The following TTN variants were observed in gnomAD, a reference collection of about 807,000 sequenced individuals.
The protein encoded by TTN is connectin.
In TTN, 1,525 loss-of-function variants were observed where a neutral mutation model predicts 3,223.0. The ratio of observed to expected loss-of-function variants is 0.47; its 90% CI spans 0.45 to 0.49. TTN has a LOEUF of 0.49. Among genes scored for constraint, TTN ranks in the 20% least tolerant of loss-of-function variants. TTN has a pLI of 0.00. For synonymous variants in TTN, 14,094 were observed against 15,161.0 expected, an observed-to-expected ratio of 0.93 and a Z score of 5.17; for missense variants, 40,786 against 43,424.0, an observed-to-expected ratio of 0.94 and a Z score of 5.40.
At position 178,792,195 on chromosome 2, in the gene TTN, T is replaced by C; in HGVS notation, c.1539A>G (p.Ile513Met). Reference sequence around the variant, plus strand: ...CAAATGTTTTTTCAGTTTCTTTTCTTATCTGCAAAGAATGATTTAAGAAAA... The same window carrying C: ...CAAATGTTTTTTCAGTTTCTTTTCTCATCTGCAAAGAATGATTTAAGAAAA... ...QEQMHVTHEQ[I>M]RKETEKTFVP... The change falls in exon 10 of 363, where the codon ATA becomes ATG. Residue 513 changes from isoleucine (I) to methionine (M), a missense_variant and splice_region_variant. Transcript: ENST00000589042. 6.2e-7 allele frequency: 1 copy of C among 1,605,726 alleles called. No individual in the cohort carries two copies. Among genetic ancestry groups the C allele is most frequent in the African/African-American group, 1.3e-5 (1 of 74,614 alleles).
intron 163 of TTN, 123 bp from the exon 164 acceptor site, chr2:178,665,914 G>C (rs1013647544): frequency 4.6e-6 from 2 of 431,868 alleles, no homozygotes. Flanking sequence ...CCCAGAATCG[G>C]ATCTTTTGTA....
intron 47 of TTN, chr2:178,751,008 C>T (rs1200523892): frequency 6.2e-7 from 1 of 1,612,460 alleles, no homozygotes; most frequent in Non-Finnish European, 8.5e-7. Context: ...ATTTCTTCAT[C>T]AACAATAGTT....
chr2:178,558,683 C>G (rs1413199186), intron 326 of TTN, 46 bp from the exon 327 acceptor site: 2 of 1,567,296 alleles, frequency 1.3e-6, no homozygotes, highest in Non-Finnish European at 1.7e-6. Flanking sequence ...TATTACAGCA[C>G]TTTTAAATGT....
At position 178,740,335 on chromosome 2, in the gene TTN, C is replaced by CT. The variant is rs2082273335; in HGVS notation, c.12897dup (p.Gly4300ArgfsTer3). ...GCACTTTCTATCAAAATTTTACCTC[C>CT]TTCTGTGCATGAGTGTTCTGAAGGG... On this transcript the variant is annotated frameshift_variant, in exon 48 of 363. Coordinates refer to ENST00000589042, the MANE Select transcript of TTN (RefSeq NM_001267550.2). LOFTEE classifies it high-confidence loss of function. The CT allele has an allele frequency of 1.2e-6, 2 of 1,613,754 alleles. No homozygotes were observed. Among genetic ancestry groups the CT allele is most frequent in the Non-Finnish European group, 1.7e-6 (2 of 1,179,794 alleles).
In TTN at chr2:178,719,244, G is replaced by A; in HGVS notation, c.24146C>T (p.Pro8049Leu). Residue 8049 changes from proline (P) to leucine (L), a missense_variant, in exon 83 of 363, where the codon CCC (proline) becomes CTC (leucine). Pro to Leu is a moderately conservative substitution (Grantham distance 98). Coordinates refer to ENST00000589042, the MANE Select transcript of TTN (RefSeq NM_001267550.2). ...ACACGTGTATATGCCTGTGTCGGAG[G>A]GCTCCAACAAGCTCAGATTCAAAGT... ...VCTLNLSLLE[P>L]SDTGIYTCVA... The A allele has an allele frequency of 6.2e-7, 1 of 1,613,692 alleles. No homozygotes were observed. Among genetic ancestry groups the A allele is most frequent in the South Asian group, 1.1e-5 (1 of 91,068 alleles).
intron 8 of TTN, among the ~76,000 whole-genome samples, chr2:178,793,858 A>T (rs1407955611): frequency 2.6e-5 from 4 of 152,214 alleles, no homozygotes; most frequent in African/African-American, 9.6e-5. Flanking sequence ...GTCACACAAG[A>T]GGATAAGGAG....
chr2:178,601,531 C>A lies in TTN; in HGVS notation c.55466G>T (p.Ser18489Ile), dbSNP rs968408582. ...TCTGCAACTACCCCTTGTGATATCA[C>A]TGACTTTCAGATCTTTGGGTGGGCC... ...VPGPPKDLKVSDITRGSCRLS... is the reference protein window; with the variant it reads ...VPGPPKDLKVIDITRGSCRLS... The change falls in exon 287 of 363, where the codon AGT becomes ATT. Residue 18489 changes from serine to isoleucine, a missense_variant. Transcript: ENST00000589042. 2 of 1,612,568 alleles carry A rather than the reference C, an allele frequency of 1.2e-6. No individual in the cohort carries two copies. Among genetic ancestry groups the A allele is most frequent in the Non-Finnish European group, 1.7e-6 (2 of 1,179,048 alleles).
Position 178,633,889 on chromosome 2 carries a change from T to G in TTN, c.42610A>C (p.Thr14204Pro). The G allele has an allele frequency of 1.2e-6, 2 of 1,613,492 alleles. No homozygotes were observed. Among genetic ancestry groups the G allele is most frequent in the Non-Finnish European group, 1.7e-6 (2 of 1,179,586 alleles). ...TTTATCTGAGATATATCATCCAATGTCACTTCTTTCATTTCCAATTTGTGA... is the reference window on the plus strand; with the variant it reads ...TTTATCTGAGATATATCATCCAATGGCACTTCTTTCATTTCCAATTTGTGA... The part of the protein sequence containing the change: ...KTHKLEMKEV[T>P]LDDISQIKAQ... Residue 14204 changes from threonine to proline, a missense_variant, in exon 231 of 363, where the codon ACA becomes CCA. Physicochemically the swap from Thr to Pro is conservative, Grantham distance 38. Transcript: ENST00000589042.
rs61232800 is a variant in TTN at position 178,713,143 on chromosome 2, T to G, written c.26991A>C (p.Thr8997=). Reference sequence around the variant, plus strand: ...AACCAGCCATATTAGTAGCTATACATGTGTAGTCACCACTGTCTGATTCTT... The same window carrying G: ...AACCAGCCATATTAGTAGCTATACAGGTGTAGTCACCACTGTCTGATTCTT... ...MLEESDSGDY[T]CIATNMAGSD... Residue 8997 remains threonine, a synonymous_variant, in exon 93 of 363, where the codon ACA becomes ACC. Coordinates refer to ENST00000589042, the MANE Select transcript of TTN (RefSeq NM_001267550.2). 7.5e-5 allele frequency: 121 copies of G among 1,613,822 alleles called. No homozygotes were observed. The South Asian group carries it at 1.3e-3, about 17-fold the overall frequency.
rs1577324161 is a variant in TTN at position 178,679,934 on chromosome 2, G to A, written c.33540C>T (p.Phe11180=). The change falls in exon 140 of 363, where the codon TTC becomes TTT. Residue 11180 remains phenylalanine (F), a synonymous_variant. Coordinates refer to ENST00000589042, the MANE Select transcript of TTN (RefSeq NM_001267550.2). ...EEEYIHEEEE[F]ITEEEVVPVI... ...CTGGCACCACTTCTTCCTCAGTTATGAACTCCTCTTCTTCATGAATGTACT... is the reference window on the plus strand; with the variant it reads ...CTGGCACCACTTCTTCCTCAGTTATAAACTCCTCTTCTTCATGAATGTACT... 6.2e-7 allele frequency: 1 copy of A among 1,613,098 alleles called. No individual in the cohort carries two copies. Among genetic ancestry groups the A allele is most frequent in the Non-Finnish European group, 8.5e-7 (1 of 1,179,378 alleles).
Position 178,531,901 on chromosome 2 carries a change from A to C in TTN, c.104714T>G (p.Phe34905Cys). 1 of 1,612,730 alleles carries C rather than the reference A, an allele frequency of 6.2e-7. No individual in the cohort carries two copies. The highest frequency in any genetic ancestry group is 8.5e-7 in the Non-Finnish European group (1 of 1,179,204). ...GGACTCATACCTGGAAAAGATATCA[A>C]ATCTTGCAGACCTCTCAAATCTCGA... ...SLSRFERSAR[F>C]DIFSRYESMK... The change falls in exon 358 of 363, where the codon TTT becomes TGT. Residue 34905 changes from phenylalanine (F) to cysteine (C), a missense_variant. Transcript: ENST00000589042.
intron 240 of TTN, 54 bp from the exon 241 acceptor site, chr2:178,625,450 A>G: frequency 6.9e-7 from 1 of 1,453,458 alleles, no homozygotes; most frequent in Non-Finnish European, 9.0e-7. Context: ...ATATGGGTGC[A>G]TTTAATTCAT....
At chr2:178,713,592 T>C (rs2077006354) in intron 92 of TTN, among the ~76,000 whole-genome samples, 1 of 152,138 alleles carries the variant, frequency 6.6e-6, no homozygotes, top group Non-Finnish European at 1.5e-5. Context: ...GGGATTTTGT[T>C]CTCTCTTTGC....
chr2:178,767,858 A>C lies in TTN; in HGVS notation c.9372T>G (p.Ala3124=). Residue 3124 remains alanine (A), a synonymous_variant, in exon 40 of 363, where the codon GCT becomes GCG. Transcript: ENST00000589042. Reference sequence around the variant, plus strand: ...CTCCTGCCACCACTGTGTACTTCCCAGCATCAGACATCCGGGTGGATGGGA... The same window carrying C: ...CTCCTGCCACCACTGTGTACTTCCCCGCATCAGACATCCGGGTGGATGGGA... ...LLIPSTRMSD[A]GKYTVVAGGN... 6.2e-7 allele frequency: 1 copy of C among 1,614,140 alleles called. No homozygotes were observed. The highest frequency in any genetic ancestry group is 8.5e-7 in the Non-Finnish European group (1 of 1,180,014).
Position 178,583,100 on chromosome 2 carries a change from G to A in TTN, c.65703C>T (p.Gly21901=). Residue 21901 remains glycine (G), a synonymous_variant, in exon 313 of 363, where the codon GGC becomes GGT. Transcript: ENST00000589042. ...TGCCTTCTGCTGGTTTTAGCAGTGT[G>A]CCATCTTTTTTCCAAGAAACTGTTG... ...PMPTVSWKKD[G]TLLKPAEGIK... The A allele has an allele frequency of 6.2e-7, 1 of 1,611,342 alleles. No homozygotes were observed. The highest frequency in any genetic ancestry group is 8.5e-7 in the Non-Finnish European group (1 of 1,178,598).
intron 354 of TTN, 68 bp downstream of exon 354, chr2:178,538,472 A>G: frequency 1.4e-6 from 2 of 1,462,764 alleles, no homozygotes; most frequent in East Asian, 2.3e-5. Context: ...TCTACTTAGT[A>G]TAGAGGGGGA....
In TTN at chr2:178,770,405, A is replaced by C; in HGVS notation, c.8380+7T>G. 1 of 1,614,132 alleles carries C rather than the reference A, an allele frequency of 6.2e-7. No homozygotes were observed. Among genetic ancestry groups the C allele is most frequent in the Non-Finnish European group, 8.5e-7 (1 of 1,180,018 alleles). On this transcript the variant is annotated splice_region_variant and intron_variant, in intron 35 of 362. Transcript: ENST00000589042. ...ACTGCTTGAAAAGTGTTTCTAAATCAACTTACTCTCCACGTGCAGTCTGGC... is the reference window on the plus strand; with the variant it reads ...ACTGCTTGAAAAGTGTTTCTAAATCCACTTACTCTCCACGTGCAGTCTGGC...
intron 250 of TTN, chr2:178,619,396 T>G (rs906885170): frequency 1.7e-6 from 1 of 571,656 alleles, no homozygotes; most frequent in South Asian, 2.3e-5. Context: ...ATAGTCATCA[T>G]GTACTAGCAA....
chr2:178,684,514 G>T, intron 131 of TTN, 101 bp from the exon 132 acceptor site: 1 of 1,393,792 alleles, frequency 7.2e-7, no homozygotes, highest in Non-Finnish European at 9.9e-7. Flanking sequence ...AATTTACAAG[G>T]CACACACACA....
Sources: gnomAD v4.1 joint callset for allele counts (sites outside exome capture counted in the v4.1 genomes callset) on GRCh38, gnomAD v4.1.1 for gene constraint, MANE v1.5 for transcripts, NCBI Gene and HGNC (gene_info 2026-07-23, HGNC 2026-07-21) for gene names.